CERS4: variants seen among roughly 807,000 people sequenced by gnomAD.
CERS4 encodes LAG1 homolog, ceramide synthase 4.
In CERS4, 65 loss-of-function variants were observed where a neutral mutation model predicts 51.8. The ratio of observed to expected loss-of-function variants is 1.26; its 90% CI spans 1.03 to 1.54. The LOEUF is 1.54. CERS4 is among the 40% of genes most tolerant of loss of function. The probability of loss-of-function intolerance (pLI) is 0.00; values close to 1 mark genes in which losing one functional copy is unlikely to be tolerated. For missense variants in CERS4, 563 were observed against 500.4 expected, an observed-to-expected ratio of 1.13 and a Z score of -1.19; for synonymous variants, 228 against 208.4, an observed-to-expected ratio of 1.09 and a Z score of -0.81.
chr19:8,246,729 G>A (rs917697429), intron 2 of CERS4, among the ~76,000 whole-genome samples: 1 of 152,062 alleles, frequency 6.6e-6, no homozygotes, highest in African/African-American at 2.4e-5. Context: ...ACTGATGGTG[G>A]ATAGAGGGAT....
intron 6 of CERS4, 53 bp downstream of exon 6, chr19:8,255,932 A>G: frequency 5.1e-6 from 8 of 1,583,798 alleles, no homozygotes; most frequent in East Asian, 2.2e-5. Flanking sequence ...CACCTGGCCT[A>G]GATCTGGCAG....
intron 2 of CERS4, among the ~76,000 whole-genome samples, chr19:8,244,170 G>T (rs1045206985): frequency 6.6e-6 from 1 of 152,212 alleles, no homozygotes; most frequent in Non-Finnish European, 1.5e-5. Context: ...AGGAGCTGGA[G>T]GGTGCAGGCA....
At chr19:8,254,750 CTCT>C (rs1969283499) in intron 4 of CERS4, 134 bp downstream of exon 4, 2 of 723,894 alleles carry the variant, frequency 2.8e-6, no homozygotes, top group African/African-American at 3.5e-5. Context: ...CTACTTTCCA[CTCT>C]TCATCCTCAA....
intron 10 of CERS4, among the ~76,000 whole-genome samples, chr19:8,258,512 C>A (rs1237149479): frequency 1.3e-5 from 2 of 151,300 alleles, no homozygotes; most frequent in Non-Finnish European, 2.9e-5. Flanking sequence ...AGTTCCAGAC[C>A]AGCCTGGCCA....
At chr19:8,247,728 G>A (rs12972697) in intron 2 of CERS4, among the ~76,000 whole-genome samples, 12,432 of 123,478 alleles carry the variant, frequency 0.1, 861 homozygotes, top group African/African-American at 0.23. Context: ...CCTGACCTCC[G>A]CATCTTTTTT....
In CERS4 at chr19:8,241,184, G is replaced by T. The variant is rs546902700; in HGVS notation, c.-1-9892G>T. On this transcript the variant is annotated intron_variant, in intron 2 of 11. Coordinates refer to ENST00000251363, the MANE Select transcript of CERS4 (RefSeq NM_024552.3). ...TCCAGCAGCCTTAGGCACCTCAGAT[G>T]CTGGAAACCGTCCTAAGGGCTTGGA... Among the ~76,000 whole-genome samples the T allele has an allele frequency of 7.2e-5, 11 of 152,268 alleles. No homozygotes were observed. The South Asian group carries it at 2.3e-3, about 32-fold the overall frequency.
At chr19:8,236,800 G>A (rs1315978112) in intron 2 of CERS4, among the ~76,000 whole-genome samples, 1 of 151,482 alleles carries the variant, frequency 6.6e-6, no homozygotes, top group African/African-American at 2.4e-5. Context: ...CCAGGAGTTT[G>A]AGACCAGCCT....
intron 2 of CERS4, among the ~76,000 whole-genome samples, chr19:8,233,101 C>T (rs924134588): frequency 6.6e-6 from 1 of 151,666 alleles, no homozygotes; most frequent in African/African-American, 2.4e-5. Flanking sequence ...AGCCTGGTCT[C>T]AAATTCCTGG....
At chr19:8,232,851 T>C (rs1383101918) in intron 2 of CERS4, among the ~76,000 whole-genome samples, 1 of 148,592 alleles carries the variant, frequency 6.7e-6, no homozygotes, top group Non-Finnish European at 1.5e-5. Context: ...TCCTAGAGAG[T>C]AGCTAGGACT....
intron 4 of CERS4, among the ~76,000 whole-genome samples, chr19:8,255,337 T>C (rs1279619169): frequency 1.3e-5 from 2 of 151,776 alleles, no homozygotes; most frequent in African/African-American, 4.8e-5. Context: ...TATCCGGGGG[T>C]AGGGGATGCT....
At chr19:8,252,831 C>A (rs1375947508) in intron 3 of CERS4, among the ~76,000 whole-genome samples, 1 of 152,108 alleles carries the variant, frequency 6.6e-6, no homozygotes. Flanking sequence ...CGCCCTCCAC[C>A]TCCAAAATGA....
At chr19:8,230,057 A>C (rs115763964) in intron 2 of CERS4, among the ~76,000 whole-genome samples, 2,024 of 152,054 alleles carry the variant, frequency 0.013, 49 homozygotes, top group African/African-American at 0.046. Context: ...TTATGTGCAT[A>C]TATGTAGCCA....
rs557496737 is a variant in CERS4, at chr19:8,254,447, G to A, written c.174-52G>A. On this transcript the variant is annotated intron_variant, in intron 3 of 11. Coordinates refer to ENST00000251363, the MANE Select transcript of CERS4 (RefSeq NM_024552.3). ...GCAGCATGTCTGCCCCCACACACAG[G>A]CAGTCCCATCTCTTCACCTGGGCTG... is the stretch of plus-strand genomic sequence containing the variant. 8.4e-6 allele frequency: 13 copies of A among 1,545,706 alleles called. No homozygotes were observed. In the East Asian group the frequency reaches 2.5e-4, roughly 30 times the overall value.
intron 2 of CERS4, among the ~76,000 whole-genome samples, chr19:8,247,534 A>G (rs1968841999): frequency 6.6e-6 from 1 of 151,962 alleles, no homozygotes; most frequent in Non-Finnish European, 1.5e-5. Flanking sequence ...GTACTCCCAC[A>G]TCAGCTTCCT....
Position 8,257,075 on chromosome 19 carries a change from G to A in CERS4, c.739G>A (p.Glu247Lys). The A allele has an allele frequency of 6.3e-7, 1 of 1,597,328 alleles. No homozygotes were observed. Among genetic ancestry groups the A allele is most frequent in the Non-Finnish European group, 8.5e-7 (1 of 1,170,152 alleles). ...ACACGATTCCTCTGACTACCTGCTGGAGGTGGGCCCGACCCCTGCCTGACC... is the reference window on the plus strand; with the variant it reads ...ACACGATTCCTCTGACTACCTGCTGAAGGTGGGCCCGACCCCTGCCTGACC... ...LLHDSSDYLL[E>K]ACKMVNYMQY... The change falls in exon 9 of 12, where the codon GAG becomes AAG. Residue 247 changes from glutamate (E) to lysine (K), a missense_variant and splice_region_variant. Glu to Lys is a moderately conservative substitution (Grantham distance 56). Transcript: ENST00000251363.
At chr19:8,256,827 T>C in intron 8 of CERS4, 117 bp downstream of exon 8, 4 of 1,580,272 alleles carry the variant, frequency 2.5e-6, no homozygotes, top group Non-Finnish European at 3.4e-6. Context: ...CTGCAGGAGA[T>C]ATAGAGGCCA....
At chr19:8,245,654 C>G (rs1246920068) in intron 2 of CERS4, among the ~76,000 whole-genome samples, 1 of 152,110 alleles carries the variant, frequency 6.6e-6, no homozygotes, top group East Asian at 1.9e-4. Flanking sequence ...ATTCTCCTGC[C>G]TCAGCCTCCT....
At chr19:8,220,069 T>A (rs1472907317) in intron 2 of CERS4, among the ~76,000 whole-genome samples, 1 of 151,778 alleles carries the variant, frequency 6.6e-6, no homozygotes, top group Non-Finnish European at 1.5e-5. Flanking sequence ...GTTGTTTTCC[T>A]CCCTCTCGGA....
chr19:8,250,781 G>C, intron 2 of CERS4: 1 of 1,122,366 alleles, frequency 8.9e-7, no homozygotes. Context: ...AGATGAACTT[G>C]AGGTTCAGAG....
Sources: gnomAD v4.1 joint callset for allele counts (sites outside exome capture counted in the v4.1 genomes callset) on GRCh38, gnomAD v4.1.1 for gene constraint, MANE v1.5 for transcripts, NCBI Gene and HGNC (gene_info 2026-07-23, HGNC 2026-07-21) for gene names.